The following SNX29 variants were observed in gnomAD, a reference collection of about 807,000 sequenced individuals.
The protein encoded by SNX29 is sorting nexin 29.
Under a neutral mutation model 102.1 loss-of-function variants are expected in SNX29, and 78 were observed. The ratio of observed to expected loss-of-function variants is 0.76; its 90% CI spans 0.64 to 0.92. SNX29 has a LOEUF of 0.92. Ranked by LOEUF, SNX29 falls within the 40% of genes least tolerant of loss-of-function variation. The probability of loss-of-function intolerance (pLI) is 0.00; values close to 1 mark genes in which losing one functional copy is unlikely to be tolerated. For synonymous variants in SNX29, 580 were observed against 414.5 expected, an observed-to-expected ratio of 1.40 and a Z score of -4.85; for missense variants, 1,280 against 1,061.7, an observed-to-expected ratio of 1.21 and a Z score of -2.86.
intron 19 of SNX29, among the ~76,000 whole-genome samples, chr16:12,484,965 C>T (rs2088153603): frequency 6.6e-6 from 1 of 152,234 alleles, no homozygotes; most frequent in Non-Finnish European, 1.5e-5. Flanking sequence ...CCTAGAATAG[C>T]ACCTGACATA....
intron 16 of SNX29, among the ~76,000 whole-genome samples, chr16:12,393,847 T>C (rs1000626042): frequency 6.6e-6 from 1 of 152,244 alleles, no homozygotes; most frequent in Non-Finnish European, 1.5e-5. Context: ...CCTTTACCTT[T>C]GTTGATTTTT....
At chr16:12,301,895 C>T (rs867458471) in intron 15 of SNX29, among the ~76,000 whole-genome samples, 6 of 152,230 alleles carry the variant, frequency 3.9e-5, no homozygotes, top group East Asian at 1.9e-4. Flanking sequence ...TTGATAGTCA[C>T]ACTATCACTT....
At chr16:12,465,229 C>T (rs1223158413) in intron 18 of SNX29, among the ~76,000 whole-genome samples, 2 of 151,836 alleles carry the variant, frequency 1.3e-5, no homozygotes, top group African/African-American at 4.8e-5. Flanking sequence ...TGATGTAGTC[C>T]AACTTATTTT....
intron 20 of SNX29, among the ~76,000 whole-genome samples, chr16:12,562,445 T>A (rs1253935621): frequency 6.6e-6 from 1 of 152,210 alleles, no homozygotes; most frequent in Non-Finnish European, 1.5e-5. Flanking sequence ...CTTGCTAGTT[T>A]GACTTTGATC....
At chr16:11,998,902 G>A (rs1385890900) in intron 1 of SNX29, among the ~76,000 whole-genome samples, 1 of 152,140 alleles carries the variant, frequency 6.6e-6, no homozygotes, top group Non-Finnish European at 1.5e-5. Flanking sequence ...TTTATTTTAG[G>A]CTGCTGGTTG....
chr16:12,019,054 C>T (rs1012601374), intron 3 of SNX29, among the ~76,000 whole-genome samples: 2 of 152,124 alleles, frequency 1.3e-5, no homozygotes, highest in African/African-American at 4.8e-5. Context: ...GATTTTTCCT[C>T]ACCATAACCT....
chr16:12,045,884 A>C (rs1213955574), intron 5 of SNX29, among the ~76,000 whole-genome samples: 2 of 151,992 alleles, frequency 1.3e-5, no homozygotes, highest in African/African-American at 4.8e-5. Context: ...CTGGCCTCCT[A>C]AAGTGCTGGG....
At chr16:12,543,255 G>A (rs956586348) in intron 20 of SNX29, among the ~76,000 whole-genome samples, 4 of 152,192 alleles carry the variant, frequency 2.6e-5, no homozygotes, top group Non-Finnish European at 4.4e-5. Flanking sequence ...GAATGATGCA[G>A]CTCTGGGTCA....
chr16:11,976,906 G>A (rs764529719), intron 1 of SNX29, 93 bp downstream of exon 1: 5 of 1,278,136 alleles, frequency 3.9e-6, no homozygotes, highest in East Asian at 3.2e-5. Flanking sequence ...CTCGCGCCCC[G>A]CTCCCTCGCA....
chr16:12,563,913 G>T (rs753095345), intron 20 of SNX29, among the ~76,000 whole-genome samples: 6 of 152,342 alleles, frequency 3.9e-5, no homozygotes, highest in African/African-American at 9.6e-5. Context: ...GCAGGCAGCC[G>T]AAGACCTACA....
intron 3 of SNX29, 131 bp downstream of exon 3, chr16:12,003,174 C>G: frequency 9.0e-7 from 1 of 1,115,618 alleles, no homozygotes; most frequent in Non-Finnish European, 1.4e-6. Context: ...GGCTCTGCCT[C>G]TGCAGCCAAG....
chr16:12,222,250 A>G (rs1222347137), intron 14 of SNX29, among the ~76,000 whole-genome samples: 2 of 152,190 alleles, frequency 1.3e-5, no homozygotes, highest in African/African-American at 2.4e-5. Context: ...TGATGGGTGC[A>G]GGGGTGAGGG....
At chr16:12,041,425 TC>T (rs2049875903) in intron 4 of SNX29, among the ~76,000 whole-genome samples, 2 of 152,230 alleles carry the variant, frequency 1.3e-5, no homozygotes, top group South Asian at 2.1e-4. Context: ...TGTGTTCTTT[TC>T]TTCTGGCTGC....
chr16:12,317,278 C>T (rs920867416), intron 15 of SNX29, among the ~76,000 whole-genome samples: 1 of 152,214 alleles, frequency 6.6e-6, no homozygotes, highest in Admixed American at 6.5e-5. Context: ...GGTGCAGGGA[C>T]CTTCGCAGGC....
chr16:12,077,953 A>G (rs1275906625), intron 10 of SNX29, among the ~76,000 whole-genome samples: 1 of 152,114 alleles, frequency 6.6e-6, no homozygotes, highest in African/African-American at 2.4e-5. Flanking sequence ...TGATCAACAC[A>G]TAACCTGGTT....
rs369015533 is a variant in SNX29, at chr16:12,063,366, C to CTT, written c.1243+1745_1243+1746dup. On this transcript the variant is annotated intron_variant, in intron 9 of 20. Transcript: ENST00000566228. ...CCCACCTCTTCTTTTCCTAGTCCAT[C>CTT]TTTTTTTTTTTTTTTTTTTTTTTTT... Among the ~76,000 whole-genome samples the CTT allele has an allele frequency of 2.3e-3, 128 of 55,386 alleles. 22 individuals carry two copies. The highest frequency in any genetic ancestry group is 4.2e-3 in the African/African-American group (58 of 13,912). 36.3% of individuals were successfully genotyped at this position (55,386 alleles called of 152,430 possible).
chr16:12,413,817 C>T (rs754055967), intron 18 of SNX29, among the ~76,000 whole-genome samples: 9 of 152,190 alleles, frequency 5.9e-5, no homozygotes, highest in Non-Finnish European at 8.8e-5. Flanking sequence ...TACTCACTTA[C>T]CGCTCCTAAA....
intron 16 of SNX29, chr16:12,374,735 T>A (rs1467026601): frequency 3.3e-5 from 5 of 152,140 alleles, no homozygotes; most frequent in Admixed American, 3.3e-4. Flanking sequence ...TCCAGACGCC[T>A]TGAGGCCAAG....
At chr16:12,510,494 G>GA (rs571392306) in intron 19 of SNX29, among the ~76,000 whole-genome samples, 249 of 152,192 alleles carry the variant, frequency 1.6e-3, no homozygotes, top group African/African-American at 5.7e-3. Flanking sequence ...CCAACATGGC[G>GA]AAACCCTGTC....
Sources: gnomAD v4.1 joint callset for allele counts (sites outside exome capture counted in the v4.1 genomes callset) on GRCh38, gnomAD v4.1.1 for gene constraint, MANE v1.5 for transcripts, NCBI Gene and HGNC (gene_info 2026-07-23, HGNC 2026-07-21) for gene names.